VSNL1: variants seen among roughly 807,000 people sequenced by gnomAD.
VSNL1 encodes visinin like 1.
In VSNL1, 6 loss-of-function variants were observed where a neutral mutation model predicts 20.4. The observed-to-expected ratio is 0.29, with a 90% confidence interval of 0.16 to 0.58. The LOEUF is 0.58. Among genes scored for constraint, VSNL1 ranks in the 20% least tolerant of loss-of-function variants. The pLI is 0.90. For missense variants in VSNL1, 100 were observed against 234.5 expected, an observed-to-expected ratio of 0.43 and a Z score of 3.75; for synonymous variants, 93 against 86.4, an observed-to-expected ratio of 1.08 and a Z score of -0.42.
rs749447775 is a variant in VSNL1 at position 17,649,499 on chromosome 2, G to A, written c.252G>A (p.Glu84=). The change falls in exon 3 of 4, where the codon GAG becomes GAA. Residue 84 remains glutamate (E), a synonymous_variant. Coordinates refer to ENST00000295156, the MANE Select transcript of VSNL1 (RefSeq NM_003385.5). The surrounding 1 kb of genome is among the most constrained non-coding windows in gnomAD (Gnocchi z 6.4). ...GGGACGGCACCATTGACTTCCGAGA[G>A]TTCATCTGCGCTCTGTCCATCACCT... ...KNGDGTIDFR[E]FICALSITSR... 4 of 1,614,096 alleles carry A rather than the reference G, an allele frequency of 2.5e-6. No individual in the cohort carries two copies. The highest frequency in any genetic ancestry group is 1.3e-5 in the African/African-American group (1 of 74,918).
chr2:17,600,556 T>C, intron 2 of VSNL1, among the ~76,000 whole-genome samples: 1 of 152,184 alleles, frequency 6.6e-6, no homozygotes, highest in Non-Finnish European at 1.5e-5. Context: ...ATATAAAACA[T>C]TTCAAAAAAG....
intron 1 of VSNL1, among the ~76,000 whole-genome samples, chr2:17,580,792 G>A (rs1440724300): frequency 6.6e-6 from 1 of 152,038 alleles, no homozygotes; most frequent in African/African-American, 2.4e-5. Flanking sequence ...GCTTTGTTAG[G>A]ATTTTATTAG....
chr2:17,625,726 C>G (rs1665494694), intron 2 of VSNL1, among the ~76,000 whole-genome samples: 1 of 152,012 alleles, frequency 6.6e-6, no homozygotes, highest in Non-Finnish European at 1.5e-5. Flanking sequence ...CCTTCCTCTA[C>G]TACTAAGCAG....
chr2:17,573,723 T>C (rs1274028718), intron 1 of VSNL1, among the ~76,000 whole-genome samples: 1 of 152,220 alleles, frequency 6.6e-6, no homozygotes, highest in East Asian at 1.9e-4. Context: ...TGACACCTAC[T>C]TGGTGTTTTT....
intron 1 of VSNL1, among the ~76,000 whole-genome samples, chr2:17,583,560 G>C (rs1664399928): frequency 6.6e-6 from 1 of 152,152 alleles, no homozygotes; most frequent in African/African-American, 2.4e-5. Context: ...TAAAAATAAG[G>C]TGCAGAAAAG....
intron 2 of VSNL1, among the ~76,000 whole-genome samples, chr2:17,595,001 G>A (rs1313667134): frequency 2.0e-5 from 3 of 152,214 alleles, no homozygotes; most frequent in African/African-American, 7.2e-5. Flanking sequence ...TCCCACTGCA[G>A]CACATAGCTC....
At chr2:17,559,042 T>C (rs1663751055) in intron 1 of VSNL1, among the ~76,000 whole-genome samples, 1 of 151,988 alleles carries the variant, frequency 6.6e-6, no homozygotes, top group Admixed American at 6.6e-5. Context: ...TCAGCCTTTT[T>C]GCTTGGCTAG....
intron 2 of VSNL1, among the ~76,000 whole-genome samples, chr2:17,647,163 A>G (rs769201570): frequency 5.9e-5 from 9 of 152,206 alleles, no homozygotes; most frequent in Non-Finnish European, 1.2e-4. Flanking sequence ...TTAATTTTTA[A>G]TATACTGACC....
At chr2:17,617,866 T>TACATGCACATGCAC (rs527762556) in intron 2 of VSNL1, among the ~76,000 whole-genome samples, 2 of 151,212 alleles carry the variant, frequency 1.3e-5, no homozygotes, top group Non-Finnish European at 1.5e-5. Flanking sequence ...TTCACCTGCA[T>TACATGCACATGCAC]ACATGCACAT....
rs55756596 is a variant in VSNL1, at chr2:17,592,640, C to CTTTTTTTTTTT, written c.162+433_162+443dup. 6.1e-4 allele frequency among the ~76,000 whole-genome samples: 43 copies of CTTTTTTTTTTT among 70,848 alleles called. 3 individuals carry two copies. Among genetic ancestry groups the CTTTTTTTTTTT allele is most frequent in the African/African-American group, 2.1e-3 (42 of 20,342 alleles). The allele number at this position is 70,848 out of a possible 152,430, so 46.5% of individuals were successfully genotyped here. A position where few individuals can be genotyped will look rare whatever the true frequency, so the allele number is the denominator to read the frequency against. On this transcript the variant is annotated intron_variant, in intron 2 of 3. Coordinates refer to ENST00000295156, the MANE Select transcript of VSNL1 (RefSeq NM_003385.5). The stretch of plus-strand genomic sequence containing the variant: ...AAGAGGGCTTTTTCTCTCTCTCTCT[C>CTTTTTTTTTTT]TTTTTTTTTTTTTTTTTTTTTTTTT...
chr2:17,600,102 A>T (rs1376353220), intron 2 of VSNL1, among the ~76,000 whole-genome samples: 1 of 152,230 alleles, frequency 6.6e-6, no homozygotes, highest in Non-Finnish European at 1.5e-5. Context: ...CTGTTCTGCA[A>T]CCTGAATACA....
Position 17,611,799 on chromosome 2 carries a change from C to T in VSNL1, c.162+19563C>T, listed in dbSNP as rs1403486907. On this transcript the variant is annotated intron_variant, in intron 2 of 3. Transcript: ENST00000295156. ...TGTCCTGCCCTCACCCAAACCTGCT[C>T]CCCCAAATGTCTCTCATCAATTTAT... Among the ~76,000 whole-genome samples, 4 of 152,262 alleles carry T rather than the reference C, an allele frequency of 2.6e-5. No individual in the cohort carries two copies. In the East Asian group the frequency reaches 7.7e-4, roughly 29 times the overall value.
chr2:17,581,720 C>T (rs1194011139), intron 1 of VSNL1, among the ~76,000 whole-genome samples: 2 of 152,196 alleles, frequency 1.3e-5, no homozygotes, highest in Non-Finnish European at 2.9e-5. Context: ...CTTTTCTCTC[C>T]CTAACAGCAC....
At chr2:17,619,842 T>C (rs965774235) in intron 2 of VSNL1, among the ~76,000 whole-genome samples, 29 of 151,278 alleles carry the variant, frequency 1.9e-4, no homozygotes, top group African/African-American at 7.1e-4. Flanking sequence ...GGGATTCAAA[T>C]AATTTGTTTG....
At chr2:17,632,969 T>C (rs1665669940) in intron 2 of VSNL1, among the ~76,000 whole-genome samples, 1 of 152,170 alleles carries the variant, frequency 6.6e-6, no homozygotes, top group Admixed American at 6.5e-5. Flanking sequence ...CTCTGACCAA[T>C]ATGGTGAAAC....
chr2:17,614,955 T>G (rs969990985), intron 2 of VSNL1, among the ~76,000 whole-genome samples: 1 of 152,250 alleles, frequency 6.6e-6, no homozygotes, highest in African/African-American at 2.4e-5. Flanking sequence ...CCAATACTTC[T>G]GTTTCCCTCC....
intron 1 of VSNL1, 144 bp from the exon 2 acceptor site, chr2:17,591,926 A>G (rs1017044124): frequency 7.9e-6 from 6 of 763,280 alleles, no homozygotes; most frequent in Non-Finnish European, 1.0e-5. Context: ...ACCAAGTAGA[A>G]GGAGGCAGAC....
chr2:17,647,613 G>T lies in VSNL1; in HGVS notation c.163-1797G>T, dbSNP rs568353109. ...GGTACCAAGCACCTAAGTAGCATTG[G>T]GGGGTGAGGGGCTGGGGTCATGCTG... On this transcript the variant is annotated intron_variant, in intron 2 of 3. Transcript: ENST00000295156. Among the ~76,000 whole-genome samples the T allele has an allele frequency of 8.5e-5, 13 of 152,304 alleles. No individual in the cohort carries two copies. In the East Asian group the frequency reaches 9.6e-4, roughly 11 times the overall value.
chr2:17,643,917 G>A (rs975812535), intron 2 of VSNL1, among the ~76,000 whole-genome samples: 11 of 152,180 alleles, frequency 7.2e-5, no homozygotes, highest in Non-Finnish European at 1.5e-4. Flanking sequence ...GGGAGCCGGG[G>A]GACCAGAAGC....
Sources: allele counts gnomAD v4.1 joint callset (sites outside exome capture counted in the v4.1 genomes callset), GRCh38; gene constraint gnomAD v4.1.1; non-coding constraint Gnocchi (gnomAD v3.1); transcripts MANE v1.5; gene names NCBI Gene and HGNC (gene_info 2026-07-23, HGNC 2026-07-21).